HDAC9: variants seen among roughly 807,000 people sequenced by gnomAD.
The protein encoded by HDAC9 is histone deacetylase 9.
In HDAC9, 41 loss-of-function variants were observed where a neutral mutation model predicts 139.4. That is an observed-to-expected ratio of 0.29 (90% confidence interval 0.23 to 0.38). The LOEUF is 0.38. Ranked by LOEUF, HDAC9 falls within the 10% of genes least tolerant of loss-of-function variation. HDAC9 has a pLI of 1.00. For missense variants in HDAC9, 1,147 were observed against 1,297.0 expected, an observed-to-expected ratio of 0.88 and a Z score of 1.78; for synonymous variants, 517 against 476.2, an observed-to-expected ratio of 1.09 and a Z score of -1.12.
At chr7:18,764,759 T>G (rs1789680295) in intron 15 of HDAC9, among the ~76,000 whole-genome samples, 1 of 152,114 alleles carries the variant, frequency 6.6e-6, no homozygotes, top group African/African-American at 2.4e-5. Context: ...TCTTACTACA[T>G]CCCCCAGTTC....
intron 2 of HDAC9, among the ~76,000 whole-genome samples, chr7:18,550,523 G>A (rs553768246): frequency 2.4e-4 from 36 of 152,278 alleles, no homozygotes; most frequent in African/African-American, 7.5e-4. Flanking sequence ...GACTTAATTC[G>A]TAAGTAAATT....
chr7:18,262,090 C>T lies in HDAC9; in HGVS notation c.25+99741C>T, dbSNP rs545756463. 3.1e-3 allele frequency among the ~76,000 whole-genome samples: 471 copies of T among 152,282 alleles called. 3 individuals are homozygous for T. The highest frequency in any genetic ancestry group is 0.011 in the South Asian group (55 of 4,822). On this transcript the variant is annotated intron_variant, in intron 2 of 12. Coordinates refer to the HDAC9 transcript ENST00000417496. ...GAACACTGATAATACTAAAAACTGT[C>T]GGTTCCCTTATTGTTTCTTTAAAAA...
rs1206576370 is a variant in HDAC9 at position 18,999,004 on chromosome 7, A to T, written c.*2942A>T. ...CCAAAATGGACTCAAATAAAACCAG[A>T]GGCTATGTTACCATTGCTTAGTAAA... On this transcript the variant is annotated 3_prime_UTR_variant, in exon 26 of 26. Transcript: ENST00000686413. 1.3e-5 allele frequency: 2 copies of T among 152,232 alleles called. No individual in the cohort carries two copies. The highest frequency in any genetic ancestry group is 1.5e-5 in the Non-Finnish European group (1 of 68,036). 9.4% of individuals were successfully genotyped at this position (152,232 alleles called of 1,614,324 possible).
intron 14 of HDAC9, among the ~76,000 whole-genome samples, chr7:18,759,716 C>T (rs1789208488): frequency 6.6e-6 from 1 of 152,120 alleles, no homozygotes; most frequent in Admixed American, 6.6e-5. Flanking sequence ...AACCGCTGTT[C>T]TTATGACTTA....
At chr7:18,668,102 C>T (rs1453322497) in intron 12 of HDAC9, 4 of 935,984 alleles carry the variant, frequency 4.3e-6, no homozygotes, top group African/African-American at 1.8e-5. Context: ...TTTGCTGTGA[C>T]ATTTAAAAAT....
chr7:18,797,582 C>G (rs973782706), intron 17 of HDAC9, among the ~76,000 whole-genome samples: 2 of 151,996 alleles, frequency 1.3e-5, no homozygotes, highest in African/African-American at 4.8e-5. Flanking sequence ...AATCCCAGCA[C>G]TTTGGGAGGC....
At chr7:18,087,418 G>C (rs1781868609) in intron 1 of HDAC9, among the ~76,000 whole-genome samples, 1 of 152,180 alleles carries the variant, frequency 6.6e-6, no homozygotes. Flanking sequence ...TCAGAAGTTG[G>C]GTGCTAGGTC....
intron 25 of HDAC9, among the ~76,000 whole-genome samples, chr7:18,995,595 G>C (rs1246935188): frequency 6.6e-6 from 1 of 152,196 alleles, no homozygotes; most frequent in African/African-American, 2.4e-5. Flanking sequence ...TGAAAGAACA[G>C]AAGCAAAAAC....
At chr7:18,853,339 T>A (rs1797440606) in intron 21 of HDAC9, among the ~76,000 whole-genome samples, 1 of 152,044 alleles carries the variant, frequency 6.6e-6, no homozygotes, top group Non-Finnish European at 1.5e-5. Context: ...CTGGGGAGGG[T>A]TAAATCCATT....
At chr7:18,350,626 G>T (rs952320312) in intron 1 of HDAC9, among the ~76,000 whole-genome samples, 1 of 152,118 alleles carries the variant, frequency 6.6e-6, no homozygotes, top group East Asian at 1.9e-4. Context: ...CTATGACGGG[G>T]TTTCTAAGTC....
At chr7:18,279,994 A>G (rs1298153037) in intron 2 of HDAC9, among the ~76,000 whole-genome samples, 1 of 152,354 alleles carries the variant, frequency 6.6e-6, no homozygotes, top group East Asian at 1.9e-4. Flanking sequence ...ACCCTTAAAA[A>G]GATTGAAAAG....
chr7:18,296,551 C>T (rs1798162301), intron 1 of HDAC9, among the ~76,000 whole-genome samples: 1 of 152,084 alleles, frequency 6.6e-6, no homozygotes, highest in Admixed American at 6.6e-5. Flanking sequence ...AGGAGAAACA[C>T]AATTCTAAAT....
At chr7:18,681,313 C>T (rs542404297) in intron 12 of HDAC9, among the ~76,000 whole-genome samples, 1 of 152,056 alleles carries the variant, frequency 6.6e-6, no homozygotes, top group South Asian at 2.1e-4. Flanking sequence ...GTGATTAATA[C>T]ATTTAGGCAC....
intron 22 of HDAC9, among the ~76,000 whole-genome samples, chr7:18,878,702 T>A (rs1799503583): frequency 6.6e-6 from 1 of 152,068 alleles, no homozygotes; most frequent in Admixed American, 6.6e-5. Context: ...ACAGCCAACA[T>A]TATACTGAAT....
intron 2 of HDAC9, among the ~76,000 whole-genome samples, chr7:18,541,030 G>T (rs949168942): frequency 6.6e-6 from 1 of 151,284 alleles, no homozygotes; most frequent in Non-Finnish European, 1.5e-5. Context: ...CCAGGTATTT[G>T]ACTCCAAAGC....
chr7:18,410,771 G>C (rs989220541), intron 1 of HDAC9, among the ~76,000 whole-genome samples: 4 of 152,092 alleles, frequency 2.6e-5, no homozygotes, highest in Non-Finnish European at 5.9e-5. Context: ...AAGAAGGTGG[G>C]AATAGAGACT....
At chr7:18,429,743 T>A (rs879775823) in intron 1 of HDAC9, among the ~76,000 whole-genome samples, 7 of 152,216 alleles carry the variant, frequency 4.6e-5, no homozygotes, top group Non-Finnish European at 7.3e-5. Context: ...ATTCAAAATT[T>A]CTTTGAAACG....
At chr7:18,382,815 A>C (rs1785556765) in intron 1 of HDAC9, among the ~76,000 whole-genome samples, 1 of 152,248 alleles carries the variant, frequency 6.6e-6, no homozygotes, top group South Asian at 2.1e-4. Flanking sequence ...CATGATAGCA[A>C]CAAAAAACAT....
intron 11 of HDAC9, among the ~76,000 whole-genome samples, chr7:18,659,105 A>G (rs991258387): frequency 6.6e-6 from 1 of 152,132 alleles, no homozygotes; most frequent in Non-Finnish European, 1.5e-5. Context: ...GAACAGATTT[A>G]TTCTTACATG....
Sources: allele counts gnomAD v4.1 joint callset (sites outside exome capture counted in the v4.1 genomes callset), GRCh38; gene constraint gnomAD v4.1.1; transcripts MANE v1.5; gene names NCBI Gene and HGNC (gene_info 2026-07-23, HGNC 2026-07-21).